Variants in PTPRT observed in about 807,000 individuals in gnomAD.
The protein encoded by PTPRT is protein tyrosine phosphatase receptor type T, also known as receptor-type tyrosine-protein phosphatase T.
Under a neutral mutation model 176.8 loss-of-function variants are expected in PTPRT, and 56 were observed. The ratio of observed to expected loss-of-function variants is 0.32; its 90% CI spans 0.26 to 0.40. The LOEUF is 0.40. Ranked by LOEUF, PTPRT falls within the 10% of genes least tolerant of loss-of-function variation. The pLI is 1.00. For missense variants in PTPRT, 1,540 were observed against 1,908.2 expected (o/e 0.81, Z 3.60); for synonymous variants, 783 against 739.0 (o/e 1.06, Z -0.96).
intron 2 of PTPRT, among the ~76,000 whole-genome samples, chr20:42,828,755 ATAAGT>A (rs1420438027): frequency 1.3e-5 from 2 of 152,166 alleles, no homozygotes; most frequent in African/African-American, 2.4e-5. Flanking sequence ...GAGGGTGCAC[ATAAGT>A]TAAGAATTGA....
intron 1 of PTPRT, among the ~76,000 whole-genome samples, chr20:43,136,581 T>C (rs541633107): frequency 2.0e-5 from 3 of 152,222 alleles, no homozygotes; most frequent in Admixed American, 1.3e-4. Flanking sequence ...ATGAAGGTAT[T>C]AACACAGACC....
chr20:42,783,913 A>G (rs2077251401), intron 3 of PTPRT, among the ~76,000 whole-genome samples: 2 of 152,046 alleles, frequency 1.3e-5, no homozygotes, highest in Non-Finnish European at 1.5e-5. Context: ...ACCCAGTGGC[A>G]CTCCAAGTCA....
At chr20:42,709,638 A>G (rs2076114166) in intron 6 of PTPRT, among the ~76,000 whole-genome samples, 1 of 152,186 alleles carries the variant, frequency 6.6e-6, no homozygotes, top group Non-Finnish European at 1.5e-5. Context: ...ACTAACACAG[A>G]AAATTGGTAC....
intron 7 of PTPRT, among the ~76,000 whole-genome samples, chr20:42,502,439 CACACACACAT>C (rs932367277): frequency 7.2e-6 from 1 of 139,286 alleles, no homozygotes; most frequent in African/African-American, 3.2e-5. Context: ...CACACACACA[CACACACACAT>C]CTCAAATGAG....
intron 1 of PTPRT, among the ~76,000 whole-genome samples, chr20:42,903,111 T>C (rs1411223974): frequency 1.3e-5 from 2 of 152,196 alleles, no homozygotes; most frequent in Non-Finnish European, 2.9e-5. Context: ...GCAATAAACA[T>C]GTGCCTAAGG....
intron 7 of PTPRT, among the ~76,000 whole-genome samples, chr20:42,640,240 ATT>A (rs1041349441): frequency 6.6e-6 from 1 of 151,942 alleles, no homozygotes; most frequent in African/African-American, 2.4e-5. Flanking sequence ...AGTAAAATTT[ATT>A]TTTTTATTGG....
intron 6 of PTPRT, among the ~76,000 whole-genome samples, chr20:42,679,599 T>G (rs1198663134): frequency 6.6e-6 from 1 of 152,164 alleles, no homozygotes; most frequent in Non-Finnish European, 1.5e-5. Context: ...AACATAGCCA[T>G]TTTTATTCTT....
At chr20:42,888,867 A>C (rs1413225035) in intron 1 of PTPRT, among the ~76,000 whole-genome samples, 3 of 152,230 alleles carry the variant, frequency 2.0e-5, no homozygotes, top group African/African-American at 4.8e-5. Context: ...TATACACTGA[A>C]GATGCAATGG....
intron 1 of PTPRT, among the ~76,000 whole-genome samples, chr20:42,988,698 T>C (rs1187918118): frequency 2.0e-5 from 3 of 152,112 alleles, no homozygotes; most frequent in Admixed American, 6.5e-5. Flanking sequence ...TGCAGGGAAA[T>C]AGGAACCCCT....
chr20:42,424,173 AT>A (rs1231555562), intron 9 of PTPRT, among the ~76,000 whole-genome samples: 1 of 152,152 alleles, frequency 6.6e-6, no homozygotes, highest in Non-Finnish European at 1.5e-5. Context: ...CCCTTAAAAC[AT>A]TTTTGTTCTT....
At chr20:42,041,662 G>A in the PTPRT span, among the ~76,000 whole-genome samples, 8 of 152,168 alleles carry the variant, frequency 5.3e-5, no homozygotes, top group African/African-American at 1.9e-4. Context: ...GCAACCTTGA[G>A]CAACTCCCTC....
intron 11 of PTPRT, among the ~76,000 whole-genome samples, chr20:42,333,067 G>C (rs189520744): frequency 7.0e-4 from 106 of 152,328 alleles, no homozygotes; most frequent in African/African-American, 2.5e-3. Context: ...GGTGTCATAT[G>C]AGAGGAGAAT....
intron 13 of PTPRT, among the ~76,000 whole-genome samples, chr20:42,272,034 G>A (rs2056944790): frequency 6.6e-6 from 1 of 152,152 alleles, no homozygotes; most frequent in Non-Finnish European, 1.5e-5. Context: ...CACAATCTAA[G>A]TCAGGGGTCA....
chr20:42,392,464 C>T (rs1398958060), intron 9 of PTPRT, among the ~76,000 whole-genome samples: 4 of 151,856 alleles, frequency 2.6e-5, no homozygotes, highest in Admixed American at 2.6e-4. Flanking sequence ...TTTTTCTTAC[C>T]TTAACCCACA....
chr20:43,033,928 C>T (rs1986258477), intron 1 of PTPRT, among the ~76,000 whole-genome samples: 1 of 152,212 alleles, frequency 6.6e-6, no homozygotes, highest in Non-Finnish European at 1.5e-5. Context: ...CCTGCTGCCT[C>T]TCACCGCACT....
At chr20:42,320,621 T>C (rs997789140) in intron 11 of PTPRT, among the ~76,000 whole-genome samples, 3 of 152,110 alleles carry the variant, frequency 2.0e-5, no homozygotes, top group Admixed American at 6.5e-5. Context: ...AAATGATGTA[T>C]TGAGGAAGTA....
Position 42,891,555 on chromosome 20 carries a change from T to G in PTPRT, c.89-5623A>C, listed in dbSNP as rs151112433. 3.0e-4 allele frequency among the ~76,000 whole-genome samples: 45 copies of G among 152,386 alleles called. No homozygotes were observed. In the East Asian group the frequency reaches 7.9e-3, roughly 27 times the overall value. On this transcript the variant is annotated intron_variant, in intron 1 of 30. Coordinates refer to ENST00000373187, the MANE Select transcript of PTPRT (RefSeq NM_007050.6). The stretch of plus-strand genomic sequence containing the variant: ...GGAAGTAAAAATAGTGCAGGATACA[T>G]ACTTTAGGATACATTAAAGCATAAA...
At chr20:42,617,924 TG>T (rs1309768383) in intron 7 of PTPRT, among the ~76,000 whole-genome samples, 1 of 138,562 alleles carries the variant, frequency 7.2e-6, no homozygotes, top group Non-Finnish European at 1.5e-5. Flanking sequence ...AAGGGTTTTT[TG>T]TATCTCTATT....
In PTPRT at chr20:43,104,722, G is replaced by A. The variant is rs140679618; in HGVS notation, c.88+84924C>T. Among the ~76,000 whole-genome samples the A allele has an allele frequency of 3.5e-3, 530 of 152,284 alleles. 6 individuals carry two copies. The highest frequency in any genetic ancestry group is 0.012 in the African/African-American group (509 of 41,556). ...AGTGAGAAGACTAACATGGCAGACA[G>A]ACTGACAAAAGTATAATCCCAGCTC... On this transcript the variant is annotated intron_variant, in intron 1 of 30. Transcript: ENST00000373187.
Sources: gnomAD v4.1 joint callset for allele counts (sites outside exome capture counted in the v4.1 genomes callset) on GRCh38, gnomAD v4.1.1 for gene constraint, MANE v1.5 for transcripts, NCBI Gene and HGNC (gene_info 2026-07-23, HGNC 2026-07-21) for gene names.